ZC3H14: variants seen among roughly 807,000 people sequenced by gnomAD.
The protein encoded by ZC3H14 is zinc finger CCCH domain-containing protein 14.
Under a neutral mutation model 92.4 loss-of-function variants are expected in ZC3H14, and 31 were observed. That is an observed-to-expected ratio of 0.34 (90% confidence interval 0.25 to 0.45). The LOEUF is 0.45. Ranked by LOEUF, ZC3H14 falls within the 20% of genes least tolerant of loss-of-function variation. The pLI is 1.00. For synonymous variants in ZC3H14, 321 were observed against 300.9 expected (o/e 1.07, Z -0.69); for missense variants, 781 against 897.3 (o/e 0.87, Z 1.66).
At chr14:88,576,895 A>G (rs2081234393) in intron 8 of ZC3H14, among the ~76,000 whole-genome samples, 1 of 151,922 alleles carries the variant, frequency 6.6e-6, no homozygotes. Flanking sequence ...GGTCCAAGCG[A>G]TTCTCCTGCC....
At chr14:88,608,484 G>T in intron 13 of ZC3H14, 1 of 306,086 alleles carries the variant, frequency 3.3e-6, no homozygotes, top group South Asian at 2.7e-5. Flanking sequence ...CAATTACCAT[G>T]GCCCTCTCCA....
chr14:88,607,903 T>TGA, intron 13 of ZC3H14, among the ~76,000 whole-genome samples: 2 of 87,274 alleles, frequency 2.3e-5, no homozygotes, highest in African/African-American at 4.6e-5. Context: ...ACCCTGCAAG[T>TGA]ATCATCCCCC....
intron 9 of ZC3H14, among the ~76,000 whole-genome samples, chr14:88,581,748 A>G (rs1032686411): frequency 2.0e-5 from 3 of 152,200 alleles, no homozygotes; most frequent in Non-Finnish European, 4.4e-5. Context: ...CCATTGGCCA[A>G]AAATGGAATT....
chr14:88,589,835 A>G (rs1334504332), intron 9 of ZC3H14: 1 of 152,692 alleles, frequency 6.5e-6, no homozygotes. Context: ...ACCACCCATC[A>G]AAGTCACTGT....
At chr14:88,595,852 T>C (rs138859699) in intron 9 of ZC3H14, among the ~76,000 whole-genome samples, 89 of 152,272 alleles carry the variant, frequency 5.8e-4, no homozygotes, top group African/African-American at 2.0e-3. Context: ...CTTAGTAAGA[T>C]TTCAGTATTT....
chr14:88,598,858 A>G (rs1040516995), intron 10 of ZC3H14, among the ~76,000 whole-genome samples: 4 of 152,210 alleles, frequency 2.6e-5, no homozygotes, highest in African/African-American at 9.6e-5. Context: ...AAGCCAAGGC[A>G]GGCAGATCAC....
At chr14:88,568,931 G>A (rs2080043707) in intron 3 of ZC3H14, among the ~76,000 whole-genome samples, 1 of 151,940 alleles carries the variant, frequency 6.6e-6, no homozygotes, top group Non-Finnish European at 1.5e-5. Context: ...CACCAGGCTG[G>A]AGCACAGTGG....
In ZC3H14 at chr14:88,616,176, G is replaced by T; in HGVS notation, c.*4425G>T. The stretch of plus-strand genomic sequence containing the variant: ...TCACCTCCAGCACTAACAACATGTC[G>T]ATCACCACTGGTAAATCGAATATTT... On this transcript the variant is annotated 3_prime_UTR_variant, in exon 17 of 17. Transcript: ENST00000251038. 1 of 1,613,818 alleles carries T rather than the reference G, an allele frequency of 6.2e-7. No individual in the cohort carries two copies. The highest frequency in any genetic ancestry group is 1.1e-5 in the South Asian group (1 of 91,048).
In ZC3H14 at chr14:88,627,459, G is replaced by A. The variant is rs548733424; in HGVS notation, c.*15708G>A. On this transcript the variant is annotated 3_prime_UTR_variant, in exon 17 of 17. Transcript: ENST00000251038. Reference sequence around the variant, plus strand: ...GGTTTCATTAATTTATCTGTTTTGTGAGGTTACAGTTCCACTGGGCTTTTA... The same window carrying A: ...GGTTTCATTAATTTATCTGTTTTGTAAGGTTACAGTTCCACTGGGCTTTTA... The A allele has an allele frequency of 7.3e-6, 4 of 546,036 alleles. No individual in the cohort carries two copies. The highest frequency in any genetic ancestry group is 1.3e-5 in the Non-Finnish European group (4 of 318,940). The allele number at this position is 546,036 out of a possible 1,614,324, so 33.8% of individuals were successfully genotyped here.
Position 88,616,287 on chromosome 14 carries a change from G to C in ZC3H14, c.*4536G>C, listed in dbSNP as rs200209147. The C allele has an allele frequency of 5.1e-5, 80 of 1,559,206 alleles. No individual in the cohort carries two copies. The Admixed American group carries it at 8.3e-4, about 16-fold the overall frequency. ...AAGCTCAGGGCATTTGGTGCACACAGAAGTCAAAGGCTCTTATTAGGAACT... is the reference window on the plus strand; with the variant it reads ...AAGCTCAGGGCATTTGGTGCACACACAAGTCAAAGGCTCTTATTAGGAACT... On this transcript the variant is annotated 3_prime_UTR_variant, in exon 17 of 17. Coordinates refer to ENST00000251038, the MANE Select transcript of ZC3H14 (RefSeq NM_024824.5).
intron 2 of ZC3H14, chr14:88,567,831 A>G (rs1382486051): frequency 6.5e-6 from 4 of 611,762 alleles, no homozygotes; most frequent in Middle Eastern, 4.1e-4. Flanking sequence ...TGTAAGTATC[A>G]ATTATTCTTA....
chr14:88,563,420 GCGGCGCA>G, intron 1 of ZC3H14: 1 of 1,428,524 alleles, frequency 7.0e-7, no homozygotes, highest in Non-Finnish European at 9.1e-7. Context: ...AGCCACCACC[GCGGCGCA>G]CGGCGCCGCT....
intron 8 of ZC3H14, among the ~76,000 whole-genome samples, chr14:88,577,115 T>C (rs1335899075): frequency 6.6e-6 from 1 of 152,158 alleles, no homozygotes; most frequent in African/African-American, 2.4e-5. Flanking sequence ...TTGATCCTGA[T>C]ACTTGTCTGT....
chr14:88,616,858 C>G lies in ZC3H14; in HGVS notation c.*5107C>G. On this transcript the variant is annotated 3_prime_UTR_variant, in exon 17 of 17. Coordinates refer to ENST00000251038, the MANE Select transcript of ZC3H14 (RefSeq NM_024824.5). Reference sequence around the variant, plus strand: ...TCTCAGCATGTCTGGACCAGATTCCCAAAACCTCATCTCCTAGAATACTAG... The same window carrying G: ...TCTCAGCATGTCTGGACCAGATTCCGAAAACCTCATCTCCTAGAATACTAG... 6.2e-7 allele frequency: 1 copy of G among 1,613,754 alleles called. No homozygotes were observed. Among genetic ancestry groups the G allele is most frequent in the East Asian group, 2.2e-5 (1 of 44,844 alleles).
At position 88,615,826 on chromosome 14, in the gene ZC3H14, G is replaced by C. The variant is rs200604070; in HGVS notation, c.*4075G>C. On this transcript the variant is annotated 3_prime_UTR_variant, in exon 17 of 17. Coordinates refer to ENST00000251038, the MANE Select transcript of ZC3H14 (RefSeq NM_024824.5). ...AGTCATCTCAGCATCTCTCAGTGAGGTGTATGTACACATTTCCAGACAAAT... is the reference window on the plus strand; with the variant it reads ...AGTCATCTCAGCATCTCTCAGTGAGCTGTATGTACACATTTCCAGACAAAT... 5.0e-6 allele frequency: 8 copies of C among 1,611,850 alleles called. No homozygotes were observed. Among genetic ancestry groups the C allele is most frequent in the Non-Finnish European group, 5.9e-6 (7 of 1,179,010 alleles).
intron 10 of ZC3H14, among the ~76,000 whole-genome samples, chr14:88,599,548 G>C (rs182741689): frequency 2.0e-5 from 3 of 152,224 alleles, no homozygotes; most frequent in Admixed American, 2.0e-4. Flanking sequence ...GGAGGGACCG[G>C]TGCACGCTTT....
At chr14:88,593,411 G>C (rs540517819) in intron 9 of ZC3H14, among the ~76,000 whole-genome samples, 1 of 152,246 alleles carries the variant, frequency 6.6e-6, no homozygotes, top group Admixed American at 6.5e-5. Context: ...AAAAGGGACT[G>C]AGAATAGCCA....
At chr14:88,578,564 A>G (rs2081462318) in intron 9 of ZC3H14, among the ~76,000 whole-genome samples, 1 of 152,146 alleles carries the variant, frequency 6.6e-6, no homozygotes, top group Non-Finnish European at 1.5e-5. Flanking sequence ...TATTATCAGA[A>G]TTTTGCTGGT....
chr14:88,601,848 T>A (rs1387025074), intron 10 of ZC3H14, 76 bp from the exon 11 acceptor site: 1 of 1,527,730 alleles, frequency 6.5e-7, no homozygotes, highest in African/African-American at 1.4e-5. Flanking sequence ...AGATTGACAT[T>A]CTTCTCACAT....
Sources: gnomAD v4.1 joint callset for allele counts (sites outside exome capture counted in the v4.1 genomes callset) on GRCh38, gnomAD v4.1.1 for gene constraint, MANE v1.5 for transcripts, NCBI Gene and HGNC (gene_info 2026-07-23, HGNC 2026-07-21) for gene names.